Variants in TBX18 observed in about 807,000 individuals in gnomAD.
The protein encoded by TBX18 is T-box transcription factor 18, also known as T-box transcription factor TBX18.
Under a neutral mutation model 55.0 loss-of-function variants are expected in TBX18, and 21 were observed. The observed-to-expected ratio is 0.38, with a 90% CI of 0.27 to 0.55. TBX18 has a LOEUF of 0.55. TBX18 is among the 20% of genes least tolerant of loss of function. The pLI, the probability that TBX18 is intolerant of heterozygous loss-of-function variation, is 0.73. For synonymous variants in TBX18, 342 were observed against 326.1 expected, an observed-to-expected ratio of 1.05 and a Z score of -0.53; for missense variants, 840 against 799.6, an observed-to-expected ratio of 1.05 and a Z score of -0.61.
At position 84,757,850 on chromosome 6, in the gene TBX18, TTAGA is replaced by T. The variant is rs200228238; in HGVS notation, c.600-985_600-982del. On this transcript the variant is annotated intron_variant, in intron 3 of 7. Transcript: ENST00000369663. Reference sequence around the variant, plus strand: ...AAAATTATAAAATAAAATTATATACTTAGATATTTTCCTTCCATTTGTGTGTTAA... The same window carrying T: ...AAAATTATAAAATAAAATTATATACTTATTTTCCTTCCATTTGTGTGTTAA... Among the ~76,000 whole-genome samples the T allele has an allele frequency of 2.3e-4, 35 of 152,220 alleles. No homozygotes were observed. In the East Asian group the frequency reaches 5.8e-3, roughly 25 times the overall value.
chr6:84,764,227 G>A lies in TBX18; in HGVS notation c.-46C>T. On this transcript the variant is annotated 5_prime_UTR_variant, in exon 1 of 8. Coordinates refer to ENST00000369663, the MANE Select transcript of TBX18 (RefSeq NM_001080508.3). Reference sequence around the variant, plus strand: ...CCGCCCCTCTCTCATATACACTCACGCGGGCACACGCGCGCTCTCGCTCTT... The same window carrying A: ...CCGCCCCTCTCTCATATACACTCACACGGGCACACGCGCGCTCTCGCTCTT... 3 of 1,301,490 alleles carry A rather than the reference G, an allele frequency of 2.3e-6. No homozygotes were observed. Among genetic ancestry groups the A allele is most frequent in the Non-Finnish European group, 2.9e-6 (3 of 1,025,486 alleles). The allele number at this position is 1,301,490 out of a possible 1,614,324, so 80.6% of individuals were successfully genotyped here.
intron 1 of TBX18, 36 bp downstream of exon 1, chr6:84,763,854 C>T: frequency 2.7e-6 from 4 of 1,455,506 alleles, no homozygotes; most frequent in Non-Finnish European, 3.6e-6. Flanking sequence ...AGGTTCGCGC[C>T]GGAGAGAAGT....
In TBX18 at chr6:84,756,777, G is replaced by C; in HGVS notation, c.692C>G (p.Ser231Trp). 1 of 1,614,076 alleles carries C rather than the reference G, an allele frequency of 6.2e-7. No individual in the cohort carries two copies. Among genetic ancestry groups the C allele is most frequent in the Non-Finnish European group, 8.5e-7 (1 of 1,180,016 alleles). The change falls in exon 4 of 8, where the codon TCG (serine) becomes TGG (tryptophan). Residue 231 changes from serine (S) to tryptophan (W), a missense_variant. Physicochemically the swap from Ser to Trp is radical, Grantham distance 177. Transcript: ENST00000369663. ...AACTTGTCTCATCCAAGTCTCCCCCGAGGCAGGCGAGTCTGGATGAATGTA... is the reference window on the plus strand; with the variant it reads ...AACTTGTCTCATCCAAGTCTCCCCCCAGGCAGGCGAGTCTGGATGAATGTA... ...RVYIHPDSPASGETWMRQVIS... is the reference protein window; with the variant it reads ...RVYIHPDSPAWGETWMRQVIS...
At position 84,734,749 on chromosome 6, in the gene TBX18, G is replaced by A. The variant is rs1365155416; in HGVS notation, c.*1936C>T. Reference sequence around the variant, plus strand: ...AGCATTACTTTCCATGTTTTTTCAAGATGGAAAACTCTCTGTTCTTGAATT... The same window carrying A: ...AGCATTACTTTCCATGTTTTTTCAAAATGGAAAACTCTCTGTTCTTGAATT... On this transcript the variant is annotated 3_prime_UTR_variant, in exon 8 of 8. Transcript: ENST00000369663. 1.3e-5 allele frequency: 2 copies of A among 152,416 alleles called. No homozygotes were observed. The highest frequency in any genetic ancestry group is 1.5e-5 in the Non-Finnish European group (1 of 68,006). 9.4% of individuals were successfully genotyped at this position (152,416 alleles called of 1,614,324 possible). A position where few individuals can be genotyped will look rare whatever the true frequency, so the allele number is the denominator to read the frequency against.
rs780182947 is a variant in TBX18 at position 84,747,916 on chromosome 6, A to G, written c.939+4T>C. 58 of 1,609,732 alleles carry G rather than the reference A, an allele frequency of 3.6e-5. 1 individual carries two copies. The Admixed American group carries it at 9.4e-4, about 26-fold the overall frequency. On this transcript the variant is annotated splice_donor_region_variant and intron_variant, in intron 5 of 7. Coordinates refer to ENST00000369663, the MANE Select transcript of TBX18 (RefSeq NM_001080508.3). ...TACAAAGATTCCAATTCTGAGAACA[A>G]TACCTGCTGATTCTGATAGGCAGTG...
At chr6:84,760,909 T>C (rs948068634) in intron 2 of TBX18, among the ~76,000 whole-genome samples, 1 of 152,172 alleles carries the variant, frequency 6.6e-6, no homozygotes, top group Non-Finnish European at 1.5e-5. Context: ...ATTTGAAAGG[T>C]ATAGTAAAAC....
rs1240332619 is a variant in TBX18, at chr6:84,764,233, A to G, written c.-52T>C. On this transcript the variant is annotated 5_prime_UTR_variant, in exon 1 of 8. Transcript: ENST00000369663. ...CTCTCTCATATACACTCACGCGGGC[A>G]CACGCGCGCTCTCGCTCTTCCCCCA... 1 of 1,311,420 alleles carries G rather than the reference A, an allele frequency of 7.6e-7. No individual in the cohort carries two copies. The allele number at this position is 1,311,420 out of a possible 1,614,324, so 81.2% of individuals were successfully genotyped here. A position where few individuals can be genotyped will look rare whatever the true frequency, so the allele number is the denominator to read the frequency against.
intron 1 of TBX18, chr6:84,763,562 C>T (rs916250671): frequency 1.7e-6 from 1 of 581,256 alleles, no homozygotes; most frequent in Non-Finnish European, 3.2e-6. Context: ...AGTTAGGAAA[C>T]AAAAAAGAGC....
intron 4 of TBX18, among the ~76,000 whole-genome samples, chr6:84,753,439 GA>G (rs56006646): frequency 2.7e-5 from 4 of 148,764 alleles, no homozygotes; most frequent in Non-Finnish European, 5.9e-5. Flanking sequence ...ACTGAGAAGA[GA>G]AAAAAAAAAA....
intron 7 of TBX18, 93 bp from the exon 8 acceptor site, chr6:84,737,502 C>T: frequency 1.4e-6 from 2 of 1,385,094 alleles, no homozygotes; most frequent in Non-Finnish European, 1.9e-6. Context: ...TGTTACAAGG[C>T]AAGGGTTGGA....
chr6:84,753,843 C>A (rs1309692190), intron 4 of TBX18, among the ~76,000 whole-genome samples: 1 of 152,186 alleles, frequency 6.6e-6, no homozygotes, highest in Non-Finnish European at 1.5e-5. Context: ...CTTCTCTGAG[C>A]TGGCAGGATG....
intron 7 of TBX18, 35 bp downstream of exon 7, chr6:84,738,462 G>T (rs770700002): frequency 7.9e-6 from 12 of 1,524,078 alleles, no homozygotes; most frequent in Non-Finnish European, 1.0e-5. Flanking sequence ...GCAGGAACGG[G>T]CTGTATATAT....
chr6:84,760,746 G>A (rs945756686), intron 2 of TBX18, among the ~76,000 whole-genome samples: 2 of 152,132 alleles, frequency 1.3e-5, no homozygotes, highest in African/African-American at 4.8e-5. Flanking sequence ...ATCTCTGAAA[G>A]TGATAAAATA....
intron 3 of TBX18, among the ~76,000 whole-genome samples, chr6:84,759,800 T>TA (rs960880646): frequency 9.2e-4 from 139 of 150,556 alleles, no homozygotes; most frequent in African/African-American, 2.9e-3. Context: ...ATTCTGAAAT[T>TA]AAAAAAAAAG....
At chr6:84,763,328 C>A (rs1767709327) in intron 1 of TBX18, 1 of 454,410 alleles carries the variant, frequency 2.2e-6, no homozygotes, top group African/African-American at 2.0e-5. Flanking sequence ...CCTGCGCTTC[C>A]AGCCCAGCAG....
chr6:84,736,567 C>A lies in TBX18; in HGVS notation c.*118G>T. On this transcript the variant is annotated 3_prime_UTR_variant, in exon 8 of 8. Transcript: ENST00000369663. The stretch of plus-strand genomic sequence containing the variant: ...AAAGTCAAAAAACCCAGTGAGCCTT[C>A]ATTTTCTATTATATGTACATTTTAT... The A allele has an allele frequency of 8.0e-7, 1 of 1,243,918 alleles. No individual in the cohort carries two copies. The highest frequency in any genetic ancestry group is 2.0e-5 in the South Asian group (1 of 50,008). The allele number at this position is 1,243,918 out of a possible 1,614,324, so 77.1% of individuals were successfully genotyped here.
Position 84,734,968 on chromosome 6 carries a change from A to G in TBX18, c.*1717T>C, listed in dbSNP as rs1337741408. ...GAACTGCTAAGGAATCCAAAAGGAAATTTGTTAATATGTATAAACAGAGTC... is the reference window on the plus strand; with the variant it reads ...GAACTGCTAAGGAATCCAAAAGGAAGTTTGTTAATATGTATAAACAGAGTC... On this transcript the variant is annotated 3_prime_UTR_variant, in exon 8 of 8. Coordinates refer to ENST00000369663, the MANE Select transcript of TBX18 (RefSeq NM_001080508.3). The G allele has an allele frequency of 7.2e-5, 11 of 152,216 alleles. No individual in the cohort carries two copies. The allele number at this position is 152,216 out of a possible 1,614,324, so 9.4% of individuals were successfully genotyped here.
In TBX18 at chr6:84,736,990, C is replaced by T; in HGVS notation, c.1519G>A (p.Ala507Thr). The T allele has an allele frequency of 5.0e-6, 8 of 1,612,002 alleles. No individual in the cohort carries two copies. The South Asian group carries it at 7.7e-5, about 16-fold the overall frequency. The change falls in exon 8 of 8, where the codon GCC (alanine) becomes ACC (threonine). Residue 507 changes from alanine (A) to threonine (T), a missense_variant. Ala to Thr is a moderately conservative substitution (Grantham distance 58). Transcript: ENST00000369663. ...QYIMPSPSSN[A>T]FATNQTHQGS... ...TGATGGGTCTGGTTAGTGGCGAAGGCATTGCTGGAGGGTGATGGCATGATA... is the reference window on the plus strand; with the variant it reads ...TGATGGGTCTGGTTAGTGGCGAAGGTATTGCTGGAGGGTGATGGCATGATA...
rs1314051363 is a variant in TBX18 at position 84,734,482 on chromosome 6, TAATAA to T, written c.*2198_*2202del. On this transcript the variant is annotated 3_prime_UTR_variant, in exon 8 of 8. Transcript: ENST00000369663. The stretch of plus-strand genomic sequence containing the variant: ...TTTTAATATAATTTTAAGTACTTTT[TAATAA>T]AATACAGATATATAATTATCAATGT... The T allele has an allele frequency of 6.6e-6, 1 of 152,576 alleles. No homozygotes were observed. Among genetic ancestry groups the T allele is most frequent in the Admixed American group, 6.5e-5 (1 of 15,274 alleles). The allele number at this position is 152,576 out of a possible 1,614,324, so 9.5% of individuals were successfully genotyped here.
Sources: allele counts gnomAD v4.1 joint callset (sites outside exome capture counted in the v4.1 genomes callset), GRCh38; gene constraint gnomAD v4.1.1; transcripts MANE v1.5; gene names NCBI Gene and HGNC (gene_info 2026-07-23, HGNC 2026-07-21).